MMP16: variants seen among roughly 807,000 people sequenced by gnomAD.
MMP16 encodes the protein matrix metallopeptidase 16.
MMP16 carries 12 observed loss-of-function variants against 67.8 expected under a neutral mutation model. The observed-to-expected ratio is 0.18, with a 90% CI of 0.11 to 0.29. The LOEUF is 0.29. Among genes scored for constraint, MMP16 ranks in the 10% least tolerant of loss-of-function variants. The pLI, the probability that MMP16 is intolerant of heterozygous loss-of-function variation, is 1.00. For synonymous variants in MMP16, 249 were observed against 255.9 expected, an observed-to-expected ratio of 0.97 and a Z score of 0.26; for missense variants, 475 against 765.7, an observed-to-expected ratio of 0.62 and a Z score of 4.48.
At chr8:88,225,976 T>A (rs1194482770) in intron 1 of MMP16, among the ~76,000 whole-genome samples, 2 of 151,994 alleles carry the variant, frequency 1.3e-5, no homozygotes, top group Non-Finnish European at 2.9e-5. Flanking sequence ...TCTACTGGTA[T>A]GTCCCCCATT....
At chr8:88,115,601 T>C (rs1421608130) in intron 6 of MMP16, among the ~76,000 whole-genome samples, 2 of 152,082 alleles carry the variant, frequency 1.3e-5, no homozygotes, top group Non-Finnish European at 2.9e-5. Context: ...GACAGAAAAT[T>C]ACATAGACAG....
intron 6 of MMP16, among the ~76,000 whole-genome samples, chr8:88,113,083 T>C (rs1032624410): frequency 1.3e-5 from 2 of 151,846 alleles, no homozygotes; most frequent in Admixed American, 1.3e-4. Context: ...TATGCATTTC[T>C]TACAATGACA....
chr8:88,288,078 T>C (rs1227710870), intron 1 of MMP16, among the ~76,000 whole-genome samples: 1 of 152,186 alleles, frequency 6.6e-6, no homozygotes, highest in Admixed American at 6.5e-5. Context: ...GCACACCACT[T>C]TGACAATACT....
At chr8:88,060,408 T>C (rs1283105363) in intron 7 of MMP16, among the ~76,000 whole-genome samples, 1 of 152,136 alleles carries the variant, frequency 6.6e-6, no homozygotes, top group East Asian at 1.9e-4. Flanking sequence ...TTCTTGAAAA[T>C]GCATACTTGA....
At chr8:88,098,732 C>A (rs1345412530) in intron 6 of MMP16, among the ~76,000 whole-genome samples, 3 of 151,890 alleles carry the variant, frequency 2.0e-5, no homozygotes, top group Non-Finnish European at 2.9e-5. Context: ...GAACACCCGG[C>A]TCTCATCTGA....
intron 1 of MMP16, among the ~76,000 whole-genome samples, chr8:88,300,031 G>T (rs1811073428): frequency 6.6e-6 from 1 of 152,144 alleles, no homozygotes; most frequent in Non-Finnish European, 1.5e-5. Flanking sequence ...TGTCTTTCAT[G>T]TGGGGAAATG....
At chr8:88,059,986 A>G (rs1426361369) in intron 7 of MMP16, among the ~76,000 whole-genome samples, 3 of 136,926 alleles carry the variant, frequency 2.2e-5, no homozygotes, top group Non-Finnish European at 5.1e-5. Context: ...AGAAGAGATA[A>G]AAAAAAAAAA....
At chr8:88,087,309 T>C (rs925404586) in intron 6 of MMP16, among the ~76,000 whole-genome samples, 8 of 151,904 alleles carry the variant, frequency 5.3e-5, no homozygotes, top group Non-Finnish European at 1.5e-5. Flanking sequence ...AATCTAGGCT[T>C]CACCTCCTCT....
intron 1 of MMP16, among the ~76,000 whole-genome samples, chr8:88,291,965 G>A (rs917407112): frequency 3.3e-5 from 5 of 152,116 alleles, no homozygotes; most frequent in Admixed American, 6.5e-5. Context: ...AGAACACTGA[G>A]ACACAGACAT....
intron 3 of MMP16, among the ~76,000 whole-genome samples, chr8:88,177,844 G>C (rs557764914): frequency 7.2e-5 from 11 of 152,122 alleles, no homozygotes; most frequent in Non-Finnish European, 1.5e-4. Context: ...TCACAGGATT[G>C]CAGATGCTTC....
At chr8:88,217,009 A>G (rs1271526122) in intron 1 of MMP16, among the ~76,000 whole-genome samples, 2 of 152,066 alleles carry the variant, frequency 1.3e-5, no homozygotes, top group African/African-American at 2.4e-5. Context: ...ATATGTAACT[A>G]TCATTACTTA....
At chr8:88,181,630 C>A (rs1808982168) in intron 3 of MMP16, among the ~76,000 whole-genome samples, 1 of 151,428 alleles carries the variant, frequency 6.6e-6, no homozygotes, top group Non-Finnish European at 1.5e-5. Context: ...ACAATGCAAG[C>A]AAAACTCATG....
In MMP16 at chr8:88,290,291, G is replaced by A. The variant is rs987499211; in HGVS notation, c.132+36784C>T. ...TATTGGGCCAGGCACGGTGGCTCAC[G>A]TCTGTAATCCCAGCAACTTGGGAGG... On this transcript the variant is annotated intron_variant, in intron 1 of 9. Coordinates refer to ENST00000286614, the MANE Select transcript of MMP16 (RefSeq NM_005941.5). Among the ~76,000 whole-genome samples, 6 of 152,178 alleles carry A rather than the reference G, an allele frequency of 3.9e-5. No individual in the cohort carries two copies. The East Asian group carries it at 5.8e-4, about 15-fold the overall frequency.
Position 88,196,211 on chromosome 8 carries a change from A to G in MMP16, c.281+947T>C, listed in dbSNP as rs144724989. 8.3e-3 allele frequency among the ~76,000 whole-genome samples: 1,260 copies of G among 152,274 alleles called. 11 individuals are homozygous for G. The highest frequency in any genetic ancestry group is 0.048 in the Middle Eastern group (14 of 294). The stretch of plus-strand genomic sequence containing the variant: ...GCATGCTTGTCTTTCCTATTGTTGA[A>G]GGTTGATGTACCATGATCAAACTAA... On this transcript the variant is annotated intron_variant, in intron 2 of 9. Coordinates refer to ENST00000286614, the MANE Select transcript of MMP16 (RefSeq NM_005941.5).
At chr8:88,292,805 A>T (rs1289484237) in intron 1 of MMP16, among the ~76,000 whole-genome samples, 1 of 152,242 alleles carries the variant, frequency 6.6e-6, no homozygotes, top group Non-Finnish European at 1.5e-5. Context: ...ACAAGAAATT[A>T]TACTTGTAAA....
At chr8:88,252,655 A>T (rs1810244852) in intron 1 of MMP16, among the ~76,000 whole-genome samples, 1 of 151,908 alleles carries the variant, frequency 6.6e-6, no homozygotes, top group Admixed American at 6.6e-5. Context: ...GCAAAAAAAA[A>T]AAAAAGGAAA....
intron 1 of MMP16, among the ~76,000 whole-genome samples, chr8:88,207,565 A>G (rs938183865): frequency 6.6e-6 from 1 of 152,204 alleles, no homozygotes; most frequent in Admixed American, 6.5e-5. Context: ...TCAGAAGTAG[A>G]TGAAAGTCAT....
intron 1 of MMP16, among the ~76,000 whole-genome samples, chr8:88,275,484 T>C (rs956611137): frequency 3.3e-5 from 5 of 152,080 alleles, no homozygotes; most frequent in African/African-American, 4.8e-5. Flanking sequence ...TTTTCAGGCC[T>C]TGCCATATAT....
At chr8:88,278,805 T>C (rs1326854293) in intron 1 of MMP16, among the ~76,000 whole-genome samples, 1 of 152,180 alleles carries the variant, frequency 6.6e-6, no homozygotes, top group African/African-American at 2.4e-5. Flanking sequence ...CTGCTGGGAA[T>C]AGGATGACTT....
Sources: allele counts gnomAD v4.1 joint callset (sites outside exome capture counted in the v4.1 genomes callset), GRCh38; gene constraint gnomAD v4.1.1; transcripts MANE v1.5; gene names NCBI Gene and HGNC (gene_info 2026-07-23, HGNC 2026-07-21).